GOLGA4: variants seen among roughly 807,000 people sequenced by gnomAD.
The protein encoded by GOLGA4 is golgin A4.
GOLGA4 carries 169 observed loss-of-function variants against 265.9 expected under a neutral mutation model. The ratio of observed to expected loss-of-function variants is 0.64; its 90% CI spans 0.56 to 0.72. GOLGA4 has a LOEUF of 0.72. Among genes scored for constraint, GOLGA4 ranks in the 30% least tolerant of loss-of-function variants. GOLGA4 has a pLI of 0.00. For synonymous variants in GOLGA4, 923 were observed against 855.8 expected, an observed-to-expected ratio of 1.08 and a Z score of -1.37; for missense variants, 2,482 against 2,483.4, an observed-to-expected ratio of 1.00 and a Z score of 0.01.
chr3:37,265,717 T>C (rs1461716378), intron 2 of GOLGA4, among the ~76,000 whole-genome samples: 2 of 152,284 alleles, frequency 1.3e-5, no homozygotes, highest in East Asian at 3.9e-4. Flanking sequence ...CTATTTGTGG[T>C]AAGAAGTAAC....
At position 37,325,097 on chromosome 3, in the gene GOLGA4, C is replaced by A. The variant is rs1188175374; in HGVS notation, c.3211C>A (p.Gln1071Lys). The change falls in exon 14 of 24, where the codon CAA becomes AAA. Residue 1071 changes from glutamine to lysine, a missense_variant. This residue lies in a region of GOLGA4 where 1,536 missense variants were observed against 1,483.7 expected (regional missense o/e 1.04). Coordinates refer to ENST00000361924, the MANE Select transcript of GOLGA4 (RefSeq NM_002078.5). ...TGAAATCCAATTACAGGAAAAAGAA[C>A]AAGAGGTAGCAGAACTGAAACAAAA... The part of the protein sequence containing the change: ...IHEIQLQEKE[Q>K]EVAELKQKIL... 3 of 1,612,260 alleles carry A rather than the reference C, an allele frequency of 1.9e-6. No homozygotes were observed. Among genetic ancestry groups the A allele is most frequent in the East Asian group, 2.2e-5 (1 of 44,818 alleles).
chr3:37,251,748 G>A (rs180962078), intron 2 of GOLGA4, among the ~76,000 whole-genome samples: 91 of 152,002 alleles, frequency 6.0e-4, no homozygotes, highest in Admixed American at 2.6e-3. Context: ...GTGGTGGCAC[G>A]ATCACTGCAC....
At chr3:37,292,137 T>C (rs999078831) in intron 5 of GOLGA4, among the ~76,000 whole-genome samples, 1 of 152,152 alleles carries the variant, frequency 6.6e-6, no homozygotes, top group East Asian at 1.9e-4. Flanking sequence ...ATCTGAAAAC[T>C]ATAGTATAAA....
chr3:37,260,207 T>A (rs1578385798), intron 2 of GOLGA4, among the ~76,000 whole-genome samples: 1 of 151,650 alleles, frequency 6.6e-6, no homozygotes, highest in East Asian at 1.9e-4. Context: ...TAAGAAAGTT[T>A]ATGAACTTGT....
intron 16 of GOLGA4, among the ~76,000 whole-genome samples, chr3:37,331,259 C>T: frequency 6.6e-6 from 1 of 152,088 alleles, no homozygotes; most frequent in Admixed American, 6.5e-5. Context: ...CATTTCATCT[C>T]AATTTGGAAT....
chr3:37,291,841 A>T (rs2096865420), intron 5 of GOLGA4, among the ~76,000 whole-genome samples: 2 of 152,174 alleles, frequency 1.3e-5, no homozygotes, highest in Non-Finnish European at 2.9e-5. Flanking sequence ...TCTATTAGGA[A>T]ATATTAATAC....
intron 17 of GOLGA4, among the ~76,000 whole-genome samples, chr3:37,336,745 G>T (rs142583622): frequency 3.2e-3 from 482 of 151,540 alleles, no homozygotes; most frequent in African/African-American, 0.011. Context: ...CTCCACCCTG[G>T]GCAACAAGAA....
chr3:37,285,878 A>G lies in GOLGA4; in HGVS notation c.478-136A>G, dbSNP rs1559382604. On this transcript the variant is annotated intron_variant, in intron 3 of 23. Coordinates refer to ENST00000361924, the MANE Select transcript of GOLGA4 (RefSeq NM_002078.5). ...ATGTCCTATGTTAGTTTTGACCGTC[A>G]TGCATCTAATTAGGTTATCCTATTA... 6.0e-6 allele frequency: 3 copies of G among 499,324 alleles called. No homozygotes were observed. In the Admixed American group the frequency reaches 1.1e-4, roughly 18 times the overall value. The allele number at this position is 499,324 out of a possible 1,614,324, so 30.9% of individuals were successfully genotyped here. A position where few individuals can be genotyped will look rare whatever the true frequency, so the allele number is the denominator to read the frequency against.
At chr3:37,261,022 T>C (rs2096768388) in intron 2 of GOLGA4, among the ~76,000 whole-genome samples, 2 of 147,888 alleles carry the variant, frequency 1.4e-5, no homozygotes, top group African/African-American at 5.0e-5. Context: ...AAAAAAAAAT[T>C]AGCCAGGTGT....
At chr3:37,317,606 T>C (rs190204275) in intron 11 of GOLGA4, among the ~76,000 whole-genome samples, 26 of 152,360 alleles carry the variant, frequency 1.7e-4, no homozygotes, top group Admixed American at 1.0e-3. Context: ...TGGAAGACAA[T>C]TTATACCCTG....
intron 2 of GOLGA4, among the ~76,000 whole-genome samples, chr3:37,275,514 G>A (rs1296127185): frequency 6.6e-6 from 1 of 152,128 alleles, no homozygotes; most frequent in Admixed American, 6.5e-5. Flanking sequence ...AACATATCCA[G>A]TGATCTTTAA....
At chr3:37,310,736 T>C (rs74953825) in intron 10 of GOLGA4, among the ~76,000 whole-genome samples, 7 of 146,954 alleles carry the variant, frequency 4.8e-5, no homozygotes, top group Admixed American at 1.4e-4. Flanking sequence ...TGTGTGTGTG[T>C]TTTTTTTTTT....
intron 16 of GOLGA4, among the ~76,000 whole-genome samples, chr3:37,334,786 G>C (rs1160092324): frequency 6.6e-6 from 1 of 152,074 alleles, no homozygotes; most frequent in African/African-American, 2.4e-5. Context: ...GAGAGGGAGT[G>C]AGGGTGAGAA....
rs146072623 is a variant in GOLGA4 at position 37,281,974 on chromosome 3, C to G, written c.179C>G (p.Ser60Cys). The G allele has an allele frequency of 7.4e-6, 12 of 1,613,264 alleles. No homozygotes were observed. The highest frequency in any genetic ancestry group is 1.7e-4 in the Middle Eastern group (1 of 6,050). ...TPNRESGDTQ[S>C]FAQKLQLRVP... ...TGGTTGCAGTCAGGTGACACACAGT[C>G]TTTTGCACAGAAGCTCCAGCTCCGG... The change falls in exon 3 of 24, where the codon TCT becomes TGT. Residue 60 changes from serine (S) to cysteine (C), a missense_variant. This residue lies in a region of GOLGA4 where 1,536 missense variants were observed against 1,483.7 expected (regional missense o/e 1.04). Transcript: ENST00000361924.
chr3:37,308,015 C>G (rs1285003367), intron 10 of GOLGA4, among the ~76,000 whole-genome samples: 2 of 152,050 alleles, frequency 1.3e-5, no homozygotes, highest in Non-Finnish European at 2.9e-5. Flanking sequence ...GGGTGGATTA[C>G]CTGAGGTCAG....
intron 2 of GOLGA4, chr3:37,273,596 C>T (rs778189475): frequency 1.7e-5 from 25 of 1,462,456 alleles, no homozygotes; most frequent in Middle Eastern, 1.7e-4. Context: ...ACCAAGCATT[C>T]CTCAGGTCTG....
chr3:37,362,479 A>T (rs994987719), intron 23 of GOLGA4, among the ~76,000 whole-genome samples: 3 of 151,076 alleles, frequency 2.0e-5, no homozygotes, highest in Admixed American at 6.6e-5. Context: ...TGACCTCGTG[A>T]TCCGCCCGCC....
At chr3:37,301,624 G>A (rs2096892835) in intron 9 of GOLGA4, among the ~76,000 whole-genome samples, 1 of 152,112 alleles carries the variant, frequency 6.6e-6, no homozygotes, top group Non-Finnish European at 1.5e-5. Context: ...ATGTTTTAAT[G>A]CTTTAAGGAT....
At chr3:37,262,467 A>G (rs1403460846) in intron 2 of GOLGA4, among the ~76,000 whole-genome samples, 1 of 152,098 alleles carries the variant, frequency 6.6e-6, no homozygotes, top group Non-Finnish European at 1.5e-5. Flanking sequence ...CTGAGATGGC[A>G]CCACTTCCTG....
Sources: allele counts gnomAD v4.1 joint callset (sites outside exome capture counted in the v4.1 genomes callset), GRCh38; gene constraint gnomAD v4.1.1; regional missense constraint gnomAD v4.1.1; transcripts MANE v1.5; gene names NCBI Gene and HGNC (gene_info 2026-07-23, HGNC 2026-07-21).